Variants in C2CD2L observed in about 807,000 individuals in gnomAD.
C2CD2L encodes the protein phospholipid transfer protein C2CD2L.
In C2CD2L, 24 loss-of-function variants were observed where a neutral mutation model predicts 69.9. The observed-to-expected ratio is 0.34, with a 90% CI of 0.25 to 0.48. The LOEUF (loss-of-function observed/expected upper bound fraction) is 0.48. Among genes scored for constraint, C2CD2L ranks in the 20% least tolerant of loss-of-function variants. The pLI is 0.99. For synonymous variants in C2CD2L, 367 were observed against 391.0 expected, an observed-to-expected ratio of 0.94 and a Z score of 0.72; for missense variants, 811 against 941.5, an observed-to-expected ratio of 0.86 and a Z score of 1.81.
At chr11:119,102,352 T>C (rs375409368), upstream of C2CD2L, 21 of 470,836 alleles carry the variant, frequency 4.5e-5, 1 homozygote, top group Middle Eastern at 6.4e-4. Flanking sequence ...AGGAAACCTG[T>C]TGCCAACATA....
rs1010259313 is a variant in C2CD2L, at chr11:119,109,887, T to A, written c.355-217T>A. 3.0e-4 allele frequency among the ~76,000 whole-genome samples: 46 copies of A among 152,076 alleles called. No individual in the cohort carries two copies. Among genetic ancestry groups the A allele is most frequent in the African/African-American group, 1.1e-3 (44 of 41,460 alleles). On this transcript the variant is annotated intron_variant, in intron 1 of 13. Transcript: ENST00000648610. This position sits in a 1 kb window ranked among gnomAD's most constrained non-coding sequence, Gnocchi z 5.1. ...GATCTAGTCTCTGAGGTGGACTACC[T>A]CCCCATTGCTCAGTGGCTCCTAGCA...
Position 119,108,063 on chromosome 11 carries a change from C to G in C2CD2L, c.322C>G (p.Arg108Gly). The stretch of plus-strand genomic sequence containing the variant: ...GGAGAACTGGCAGCGGGCTTGGGTG[C>G]GAGCGCTGAACGAGCAGGCCTGCAG... ...FRENWQRAWV[R>G]ALNEQACRNG... is the part of the protein sequence containing the mutation. Residue 108 changes from arginine to glycine, a missense_variant, in exon 1 of 14, where the codon CGA (arginine) becomes GGA (glycine). Coordinates refer to ENST00000648610, the MANE Select transcript of C2CD2L (RefSeq NM_001290474.2). 3 of 1,599,304 alleles carry G rather than the reference C, an allele frequency of 1.9e-6. No homozygotes were observed. The highest frequency in any genetic ancestry group is 2.6e-6 in the Non-Finnish European group (3 of 1,174,158).
rs761101329 is a variant in C2CD2L, at chr11:119,114,000, C to T, written c.1623+12C>T. ...CTGGTGTTTCCAAGGTAACAGGGCT[C>T]TGGGGAGAGGAGCTGGGATGGGGAG... On this transcript the variant is annotated intron_variant, in intron 12 of 13. Coordinates refer to ENST00000648610, the MANE Select transcript of C2CD2L (RefSeq NM_001290474.2). 5.6e-6 allele frequency: 9 copies of T among 1,613,722 alleles called. No individual in the cohort carries two copies. The Admixed American group carries it at 1.5e-4, about 27-fold the overall frequency.
Position 119,114,582 on chromosome 11 carries a change from C to T in C2CD2L, c.1909+217C>T. 1 of 583,150 alleles carries T rather than the reference C, an allele frequency of 1.7e-6. No homozygotes were observed. Among genetic ancestry groups the T allele is most frequent in the Non-Finnish European group, 3.1e-6 (1 of 327,410 alleles). 36.1% of individuals were successfully genotyped at this position (583,150 alleles called of 1,614,324 possible). A position where few individuals can be genotyped will look rare whatever the true frequency, so the allele number is the denominator to read the frequency against. On this transcript the variant is annotated intron_variant, in intron 13 of 13. Transcript: ENST00000648610. The surrounding 1 kb of genome is among the most constrained non-coding windows in gnomAD (Gnocchi z 5.1). Reference sequence around the variant, plus strand: ...ATAGGAAGGGATGCCAAATTATTTCCCTTTACCTCCATTGTTCTTTCTTCC... The same window carrying T: ...ATAGGAAGGGATGCCAAATTATTTCTCTTTACCTCCATTGTTCTTTCTTCC...
At chr11:119,115,854 C>A (rs1287685124) in intron 13 of C2CD2L, 191 bp from the exon 14 acceptor site, 1 of 595,712 alleles carries the variant, frequency 1.7e-6, no homozygotes, top group Non-Finnish European at 3.0e-6. Context: ...CTTTCGTTTT[C>A]TTTTTTCTTT....
Position 119,116,172 on chromosome 11 carries a change from C to G in C2CD2L, c.2037C>G (p.Ala679=). ...CCACGCCCAGTGTCCGAAAGAAGGC[C>G]GGCAGCTTTTCTCGCCGCCTTATCA... ...ATATPSVRKK[A]GSFSRRLIKR... is the part of the protein sequence containing the mutation. The change falls in exon 14 of 14, where the codon GCC becomes GCG. Residue 679 remains alanine, a synonymous_variant. Transcript: ENST00000648610. 1 of 1,614,256 alleles carries G rather than the reference C, an allele frequency of 6.2e-7. No individual in the cohort carries two copies. Among genetic ancestry groups the G allele is most frequent in the South Asian group, 1.1e-5 (1 of 91,088 alleles).
intron 10 of C2CD2L, 168 bp from the exon 11 acceptor site, chr11:119,113,443 G>C (rs1946801635): frequency 1.0e-6 from 1 of 970,270 alleles, no homozygotes; most frequent in South Asian, 1.7e-5. Context: ...TTAGCTCCTG[G>C]GGTGTCTTTT....
upstream of C2CD2L, chr11:119,106,585 T>TAA (rs1348827405): frequency 2.0e-5 from 3 of 152,224 alleles, no homozygotes; most frequent in African/African-American, 7.2e-5. Flanking sequence ...ATCACATACT[T>TAA]AGAGTGGCAA....
intron 10 of C2CD2L, 60 bp downstream of exon 10, chr11:119,112,934 G>C (rs1946790125): frequency 5.6e-6 from 8 of 1,425,286 alleles, no homozygotes; most frequent in Non-Finnish European, 6.8e-6. Context: ...GCAGACCCAA[G>C]GCAGGACAGT....
rs1470289630 is a variant in C2CD2L, at chr11:119,109,795, A to G, written c.355-309A>G. 6.6e-6 allele frequency among the ~76,000 whole-genome samples: 1 copy of G among 152,028 alleles called. No homozygotes were observed. Among genetic ancestry groups the G allele is most frequent in the Non-Finnish European group, 1.5e-5 (1 of 68,002 alleles). On this transcript the variant is annotated intron_variant, in intron 1 of 13. Transcript: ENST00000648610. The surrounding 1 kb of genome is among the most constrained non-coding windows in gnomAD (Gnocchi z 5.1). ...GGGGGTAGGGTAGGGGATGAAAGGG[A>G]TTGCAGGGAGAAGAAGAAGGAAGCT...
chr11:119,116,393 G>A lies in C2CD2L; in HGVS notation c.*137G>A. ...AAGCCCCGTCCACCCTGGGCCATGG[G>A]GCCGGTTGGAAGGATACTTGGAACG... On this transcript the variant is annotated 3_prime_UTR_variant, in exon 14 of 14. Transcript: ENST00000648610. 1.4e-6 allele frequency: 1 copy of A among 695,162 alleles called. No individual in the cohort carries two copies. Among genetic ancestry groups the A allele is most frequent in the South Asian group, 1.8e-5 (1 of 55,064 alleles). The allele number at this position is 695,162 out of a possible 1,614,324, so 43.1% of individuals were successfully genotyped here. A position where few individuals can be genotyped will look rare whatever the true frequency, so the allele number is the denominator to read the frequency against.
intron 13 of C2CD2L, 101 bp from the exon 14 acceptor site, chr11:119,115,944 C>A: frequency 1.1e-6 from 1 of 924,024 alleles, no homozygotes; most frequent in Non-Finnish European, 1.7e-6. Flanking sequence ...GGGACTGATC[C>A]TGTCCACATC....
chr11:119,118,181 T>C lies in C2CD2L; in HGVS notation c.*1925T>C, dbSNP rs1237468942. The C allele has an allele frequency of 6.6e-6, 1 of 152,282 alleles. No individual in the cohort carries two copies. The highest frequency in any genetic ancestry group is 1.9e-4 in the East Asian group (1 of 5,186). 9.4% of individuals were successfully genotyped at this position (152,282 alleles called of 1,614,324 possible). The stretch of plus-strand genomic sequence containing the variant: ...GAGGTGAAGTCTGGGCTTTTTTTAG[T>C]GTGCGCATCGCCCAAATAGTGAACA... On this transcript the variant is annotated 3_prime_UTR_variant, in exon 14 of 14. Coordinates refer to ENST00000648610, the MANE Select transcript of C2CD2L (RefSeq NM_001290474.2).
At chr11:119,106,612 C>T (rs1236907982), upstream of C2CD2L, 2 of 152,196 alleles carry the variant, frequency 1.3e-5, no homozygotes, top group Non-Finnish European at 2.9e-5. Flanking sequence ...GTGGCTGAAT[C>T]TATTGATAGT....
upstream of C2CD2L, among the ~76,000 whole-genome samples, chr11:119,104,004 T>C (rs879810763): frequency 1.8e-4 from 27 of 152,140 alleles, no homozygotes; most frequent in Non-Finnish European, 3.4e-4. Context: ...TCATCACACA[T>C]AATGAGGCTG....
At chr11:119,113,350 G>C (rs944888588) in intron 10 of C2CD2L, 2 of 482,738 alleles carry the variant, frequency 4.1e-6, no homozygotes, top group Non-Finnish European at 3.6e-6. Context: ...GGGAGCCCCA[G>C]TACCCCCTCT....
Position 119,107,815 on chromosome 11 carries a change from C to T in C2CD2L, c.74C>T (p.Thr25Met). The T allele has an allele frequency of 1.3e-6, 2 of 1,550,922 alleles. No homozygotes were observed. Among genetic ancestry groups the T allele is most frequent in the South Asian group, 2.4e-5 (2 of 84,934 alleles). ...ATCCTCTTCGCCGCCTCGCTGCTCA[C>T]GGTGTTCGCCTGGCTGCTGCAATAT... ...LLILFAASLLTVFAWLLQYAR... is the reference protein window; with the variant it reads ...LLILFAASLLMVFAWLLQYAR... Residue 25 changes from threonine (T) to methionine (M), a missense_variant, in exon 1 of 14, where the codon ACG becomes ATG. Transcript: ENST00000648610. This position sits in a 1 kb window ranked among gnomAD's most constrained non-coding sequence, Gnocchi z 5.4.
chr11:119,106,232 G>C (rs1470229959), upstream of C2CD2L, among the ~76,000 whole-genome samples: 1 of 152,210 alleles, frequency 6.6e-6, no homozygotes, highest in Non-Finnish European at 1.5e-5. Context: ...ACTTCAGAAG[G>C]CATTGTTTAT....
chr11:119,115,861 C>G (rs1592245561), intron 13 of C2CD2L, 184 bp from the exon 14 acceptor site: 2 of 598,418 alleles, frequency 3.3e-6, no homozygotes, highest in African/African-American at 3.7e-5. Context: ...TTTCTTTTTT[C>G]TTTTTTTCAC....
Sources: allele counts gnomAD v4.1 joint callset (sites outside exome capture counted in the v4.1 genomes callset), GRCh38; gene constraint gnomAD v4.1.1; non-coding constraint Gnocchi (gnomAD v3.1); transcripts MANE v1.5; gene names NCBI Gene and HGNC (gene_info 2026-07-23, HGNC 2026-07-21).